SBF2: variants seen among roughly 807,000 people sequenced by gnomAD.
SBF2 encodes SET binding factor 2.
SBF2 carries 112 observed loss-of-function variants against 225.2 expected under a neutral mutation model. That is an observed-to-expected ratio of 0.50 (90% CI 0.43 to 0.58). The LOEUF (loss-of-function observed/expected upper bound fraction) is 0.58, where lower values mean the gene tolerates loss of function less well. SBF2 is among the 20% of genes least tolerant of loss of function. The pLI is 0.00. For missense variants in SBF2, 1,996 were observed against 2,206.2 expected (o/e 0.90, Z 1.91); for synonymous variants, 763 against 773.3 (o/e 0.99, Z 0.22).
intron 1 of SBF2, among the ~76,000 whole-genome samples, chr11:10,253,118 C>CAAAAAAAAAAA (rs546522229): frequency 1.3e-5 from 1 of 77,258 alleles, no homozygotes; most frequent in Admixed American, 1.6e-4. Context: ...AGGTAAATAC[C>CAAAAAAAAAAA]AAAAAAAAAA....
At chr11:10,172,400 T>A (rs1956235209) in intron 2 of SBF2, among the ~76,000 whole-genome samples, 1 of 152,126 alleles carries the variant, frequency 6.6e-6, no homozygotes, top group Non-Finnish European at 1.5e-5. Context: ...TCTCCCAGGA[T>A]GAAGCACAAT....
At chr11:10,110,355 A>G (rs1380438554) in intron 2 of SBF2, among the ~76,000 whole-genome samples, 1 of 151,924 alleles carries the variant, frequency 6.6e-6, no homozygotes, top group African/African-American at 2.4e-5. Context: ...ATAATCCTCC[A>G]TTTTTCTCGG....
At chr11:9,944,186 T>G (rs757112741) in intron 16 of SBF2, among the ~76,000 whole-genome samples, 3 of 152,200 alleles carry the variant, frequency 2.0e-5, no homozygotes, top group African/African-American at 4.8e-5. Flanking sequence ...GAGTACATCC[T>G]TATTGGGTAA....
chr11:9,816,590 ATTT>A (rs976628192), intron 29 of SBF2, among the ~76,000 whole-genome samples: 7 of 151,910 alleles, frequency 4.6e-5, no homozygotes, highest in Non-Finnish European at 1.0e-4. Flanking sequence ...GTTTATGTTG[ATTT>A]TTTACTATTA....
chr11:10,091,782 T>C (rs1206618901), intron 2 of SBF2, among the ~76,000 whole-genome samples: 2 of 152,196 alleles, frequency 1.3e-5, no homozygotes, highest in Non-Finnish European at 2.9e-5. Flanking sequence ...CAGTACATAA[T>C]TTTGTGGTTT....
At chr11:10,104,703 G>A (rs182414021) in intron 2 of SBF2, among the ~76,000 whole-genome samples, 4 of 152,154 alleles carry the variant, frequency 2.6e-5, no homozygotes, top group Admixed American at 6.5e-5. Flanking sequence ...CAGTGCAACT[G>A]TTGTCTAGGT....
intron 1 of SBF2, among the ~76,000 whole-genome samples, chr11:10,235,206 T>G (rs960017161): frequency 3.3e-5 from 5 of 152,230 alleles, no homozygotes; most frequent in African/African-American, 1.2e-4. Flanking sequence ...TAATTATACT[T>G]CCTTTTTTAA....
At chr11:9,804,281 CCT>C (rs1313066380) in intron 32 of SBF2, among the ~76,000 whole-genome samples, 1 of 152,134 alleles carries the variant, frequency 6.6e-6, no homozygotes, top group Non-Finnish European at 1.5e-5. Flanking sequence ...TATTTCCTGC[CCT>C]GTTTCCATAA....
intron 2 of SBF2, among the ~76,000 whole-genome samples, chr11:10,185,140 G>C (rs1428715416): frequency 6.6e-6 from 1 of 151,884 alleles, no homozygotes; most frequent in African/African-American, 2.4e-5. Flanking sequence ...GTGCACACGT[G>C]TATCACATCT....
intron 33 of SBF2, among the ~76,000 whole-genome samples, chr11:9,794,413 G>A (rs1852960943): frequency 6.6e-6 from 1 of 150,666 alleles, no homozygotes; most frequent in African/African-American, 2.4e-5. Flanking sequence ...GGTGGCTCAC[G>A]CCTGTAATCC....
chr11:10,111,718 A>G (rs747010982), intron 2 of SBF2, among the ~76,000 whole-genome samples: 1 of 152,254 alleles, frequency 6.6e-6, no homozygotes, highest in Non-Finnish European at 1.5e-5. Flanking sequence ...TCTACTAAAA[A>G]TATGAAAAAT....
At chr11:10,064,606 T>C (rs1302738323) in intron 2 of SBF2, among the ~76,000 whole-genome samples, 1 of 152,220 alleles carries the variant, frequency 6.6e-6, no homozygotes, top group Admixed American at 6.5e-5. Context: ...AGATATATTA[T>C]GCTACCATTA....
chr11:10,042,761 G>T, intron 3 of SBF2, 83 bp downstream of exon 3: 1 of 1,473,802 alleles, frequency 6.8e-7, no homozygotes, highest in African/African-American at 1.4e-5. Context: ...CAAACTTGCA[G>T]TTGTAACAAA....
intron 2 of SBF2, among the ~76,000 whole-genome samples, chr11:10,171,888 T>C (rs1180586249): frequency 1.3e-5 from 2 of 152,184 alleles, no homozygotes; most frequent in Admixed American, 6.5e-5. Context: ...TGTAAATCTC[T>C]GGGAATTTAT....
intron 2 of SBF2, among the ~76,000 whole-genome samples, chr11:10,177,490 A>G (rs1956521971): frequency 6.6e-6 from 1 of 150,650 alleles, no homozygotes; most frequent in Admixed American, 6.7e-5. Flanking sequence ...CAACTTCAGC[A>G]AAGTCTCAGC....
At chr11:9,932,957 CAAAAAAAAAAAAAA>C (rs574177096) in intron 16 of SBF2, among the ~76,000 whole-genome samples, 2 of 58,744 alleles carry the variant, frequency 3.4e-5, no homozygotes, top group Non-Finnish European at 5.5e-5. Flanking sequence ...AAACGAAAAG[CAAAAAAAAAAAAAA>C]AAAAAAAAAA....
intron 26 of SBF2, chr11:9,839,063 G>A (rs1393753828): frequency 8.6e-6 from 2 of 233,320 alleles, no homozygotes; most frequent in East Asian, 2.1e-4. Flanking sequence ...TGCTTTTGCG[G>A]CACAGTTGAA....
intron 1 of SBF2, among the ~76,000 whole-genome samples, chr11:10,239,554 T>C (rs1215615423): frequency 8.8e-6 from 1 of 113,378 alleles, no homozygotes; most frequent in East Asian, 2.0e-4. Context: ...ATTGGATGTG[T>C]CTGTAACATC....
chr11:9,875,914 CTTG>C (rs10607681), intron 17 of SBF2, among the ~76,000 whole-genome samples: 33,316 of 151,796 alleles, frequency 0.22, 4,344 homozygotes, highest in Non-Finnish European at 0.29. Flanking sequence ...AATCACTTAA[CTTG>C]TTATTAAGTG....
Sources: allele counts gnomAD v4.1 joint callset (sites outside exome capture counted in the v4.1 genomes callset), GRCh38; gene constraint gnomAD v4.1.1; transcripts MANE v1.5; gene names NCBI Gene and HGNC (gene_info 2026-07-23, HGNC 2026-07-21).